Variants in LGR5 observed in about 807,000 individuals in gnomAD.
The protein encoded by LGR5 is leucine-rich repeat-containing G protein-coupled receptor 5.
In LGR5, 54 loss-of-function variants were observed where a neutral mutation model predicts 76.7. The observed-to-expected ratio is 0.70, with a 90% CI of 0.57 to 0.88. LGR5 has a LOEUF of 0.88. Among genes scored for constraint, LGR5 ranks in the 40% least tolerant of loss-of-function variants. The pLI is 0.00. For missense variants in LGR5, 1,078 were observed against 1,073.3 expected (o/e 1.00, Z -0.06); for synonymous variants, 406 against 421.9 (o/e 0.96, Z 0.46).
intron 2 of LGR5, among the ~76,000 whole-genome samples, chr12:71,509,551 C>T (rs993395965): frequency 6.6e-6 from 1 of 152,136 alleles, no homozygotes; most frequent in African/African-American, 2.4e-5. Context: ...TCCGTTAACG[C>T]TTGCTATGTA....
At chr12:71,454,975 A>G (rs949994018) in intron 1 of LGR5, among the ~76,000 whole-genome samples, 1 of 152,108 alleles carries the variant, frequency 6.6e-6, no homozygotes, top group Non-Finnish European at 1.5e-5. Flanking sequence ...AAAAAAGCAA[A>G]CAAAAAACAA....
chr12:71,585,168 A>AC lies in LGR5; in HGVS notation c.*436dup, dbSNP rs1879269728. 1 of 163,276 alleles carries AC rather than the reference A, an allele frequency of 6.1e-6. No individual in the cohort carries two copies. Among genetic ancestry groups the AC allele is most frequent in the African/African-American group, 2.4e-5 (1 of 41,540 alleles). The allele number at this position is 163,276 out of a possible 1,614,324, so 10.1% of individuals were successfully genotyped here. A position where few individuals can be genotyped will look rare whatever the true frequency, so the allele number is the denominator to read the frequency against. ...ATTAGGAAAATAAGGGTTTTCAATG[A>AC]CCTACATTGCTAGGTAGAGGCTGTG... On this transcript the variant is annotated 3_prime_UTR_variant, in exon 18 of 18. Coordinates refer to ENST00000266674, the MANE Select transcript of LGR5 (RefSeq NM_003667.4).
intron 1 of LGR5, chr12:71,448,735 T>G (rs1012992106): frequency 2.0e-5 from 3 of 152,268 alleles, no homozygotes; most frequent in African/African-American, 7.2e-5. Flanking sequence ...AACTATTTTG[T>G]ATATATATTG....
chr12:71,504,485 G>C (rs1874758889), intron 1 of LGR5, 129 bp from the exon 2 acceptor site: 1 of 771,982 alleles, frequency 1.3e-6, no homozygotes, highest in Non-Finnish European at 2.4e-6. Flanking sequence ...ATGTAGAATA[G>C]CAATTCATTT....
At chr12:71,559,264 G>A (rs985414576) in intron 6 of LGR5, among the ~76,000 whole-genome samples, 1 of 145,394 alleles carries the variant, frequency 6.9e-6, no homozygotes, top group African/African-American at 2.6e-5. Context: ...CCATCCGCCA[G>A]CCGTCAACAC....
chr12:71,582,652 A>T, intron 17 of LGR5, 113 bp downstream of exon 17: 1 of 743,674 alleles, frequency 1.3e-6, no homozygotes, highest in South Asian at 1.6e-5. Context: ...TTTGCAGCTC[A>T]TCAGTAACCC....
intron 3 of LGR5, among the ~76,000 whole-genome samples, chr12:71,531,661 A>T (rs1876316256): frequency 6.6e-6 from 1 of 152,150 alleles, no homozygotes; most frequent in East Asian, 1.9e-4. Context: ...TGAGGTCAGG[A>T]GTTCAAGACA....
At chr12:71,496,391 A>AAAGAG (rs1555169618) in intron 1 of LGR5, among the ~76,000 whole-genome samples, 111 of 115,026 alleles carry the variant, frequency 9.6e-4, no homozygotes, top group Middle Eastern at 5.1e-3. Flanking sequence ...AAAAAAAAAA[A>AAAGAG]AGAGAGAGAG....
chr12:71,558,215 A>G (rs1877873578), intron 6 of LGR5, among the ~76,000 whole-genome samples: 2 of 152,230 alleles, frequency 1.3e-5, no homozygotes, highest in Admixed American at 6.5e-5. Context: ...CAGAAATCTC[A>G]GCAATGGAAA....
intron 1 of LGR5, among the ~76,000 whole-genome samples, chr12:71,459,472 C>T (rs1872608337): frequency 1.3e-5 from 2 of 152,140 alleles, no homozygotes; most frequent in South Asian, 4.2e-4. Flanking sequence ...AAGCATGAGT[C>T]CCCTCTATTC....
At chr12:71,478,043 T>C (rs1006058105) in intron 1 of LGR5, among the ~76,000 whole-genome samples, 3 of 152,230 alleles carry the variant, frequency 2.0e-5, no homozygotes, top group African/African-American at 7.2e-5. Context: ...CCTCATTTTT[T>C]TTCTCTTGCA....
chr12:71,446,084 A>G (rs537749630), intron 1 of LGR5, among the ~76,000 whole-genome samples: 2 of 152,322 alleles, frequency 1.3e-5, no homozygotes, highest in South Asian at 2.1e-4. Context: ...GCCCATACCA[A>G]TGCCTGGCTC....
intron 16 of LGR5, 76 bp downstream of exon 16, chr12:71,580,499 AAAAG>A: frequency 6.8e-7 from 1 of 1,479,254 alleles, no homozygotes; most frequent in Non-Finnish European, 9.3e-7. Context: ...ATGTTTGATG[AAAAG>A]TCATCGAACA....
chr12:71,447,711 G>T (rs995072569), intron 1 of LGR5, among the ~76,000 whole-genome samples: 8 of 152,164 alleles, frequency 5.3e-5, no homozygotes, highest in Admixed American at 2.0e-4. Flanking sequence ...TTCCCTTTGT[G>T]CCACTTGCTT....
At chr12:71,455,096 T>C (rs1373418746) in intron 1 of LGR5, among the ~76,000 whole-genome samples, 1 of 151,926 alleles carries the variant, frequency 6.6e-6, no homozygotes, top group East Asian at 1.9e-4. Flanking sequence ...TATCTTAAAG[T>C]CCAGATCCCA....
At chr12:71,479,858 T>C (rs1873508431) in intron 1 of LGR5, among the ~76,000 whole-genome samples, 2 of 152,046 alleles carry the variant, frequency 1.3e-5, no homozygotes, top group African/African-American at 2.4e-5. Context: ...AGGATGAGGA[T>C]GGAGAGTTAG....
intron 16 of LGR5, among the ~76,000 whole-genome samples, chr12:71,581,341 C>A (rs971123945): frequency 3.3e-5 from 5 of 152,324 alleles, no homozygotes; most frequent in Admixed American, 1.3e-4. Context: ...AAACAGACAA[C>A]AATGCCTCTC....
Position 71,585,164 on chromosome 12 carries a change from A to C in LGR5, c.*430A>C, listed in dbSNP as rs971130942. 3 of 164,106 alleles carry C rather than the reference A, an allele frequency of 1.8e-5. No individual in the cohort carries two copies. The highest frequency in any genetic ancestry group is 7.2e-5 in the African/African-American group (3 of 41,590). The allele number at this position is 164,106 out of a possible 1,614,324, so 10.2% of individuals were successfully genotyped here. On this transcript the variant is annotated 3_prime_UTR_variant, in exon 18 of 18. Coordinates refer to ENST00000266674, the MANE Select transcript of LGR5 (RefSeq NM_003667.4). ...GGGAATTAGGAAAATAAGGGTTTTC[A>C]ATGACCTACATTGCTAGGTAGAGGC...
chr12:71,537,052 T>C (rs1198405282), intron 4 of LGR5, among the ~76,000 whole-genome samples: 3 of 152,050 alleles, frequency 2.0e-5, no homozygotes, highest in African/African-American at 4.8e-5. Context: ...TATGCAATGT[T>C]TGTCAGGGGC....
Sources: gnomAD v4.1 joint callset for allele counts (sites outside exome capture counted in the v4.1 genomes callset) on GRCh38, gnomAD v4.1.1 for gene constraint, MANE v1.5 for transcripts, NCBI Gene and HGNC (gene_info 2026-07-23, HGNC 2026-07-21) for gene names.